The following ZNF385D variants were observed in gnomAD, a reference collection of about 807,000 sequenced individuals.
ZNF385D encodes zinc finger protein 385D.
In ZNF385D, 15 loss-of-function variants were observed where a neutral mutation model predicts 35.8. The observed-to-expected ratio is 0.42, with a 90% CI of 0.28 to 0.64. The LOEUF (loss-of-function observed/expected upper bound fraction) is 0.64, where lower values mean the gene tolerates loss of function less well. ZNF385D is among the 30% of genes least tolerant of loss of function. The pLI, the probability that ZNF385D is intolerant of heterozygous loss-of-function variation, is 0.23. For missense variants in ZNF385D, 474 were observed against 494.6 expected (o/e 0.96, Z 0.39); for synonymous variants, 212 against 186.8 (o/e 1.13, Z -1.10).
chr3:21,584,966 T>C (rs2063769100), intron 2 of ZNF385D, among the ~76,000 whole-genome samples: 1 of 152,222 alleles, frequency 6.6e-6, no homozygotes, highest in Admixed American at 6.5e-5. Flanking sequence ...TTCCTTTTTG[T>C]ATCTCTTTAA....
chr3:22,298,527 T>C (rs1024054569), intron 2 of ZNF385D, among the ~76,000 whole-genome samples: 7 of 143,716 alleles, frequency 4.9e-5, no homozygotes, highest in African/African-American at 1.5e-4. Flanking sequence ...ATATATAATA[T>C]ATATACATAA....
intron 4 of ZNF385D, among the ~76,000 whole-genome samples, chr3:21,503,881 C>A (rs1187142525): frequency 1.3e-5 from 2 of 152,096 alleles, no homozygotes; most frequent in Admixed American, 6.6e-5. Context: ...CATTCATAGA[C>A]CTTCTTAGCA....
At chr3:22,042,529 T>G (rs1413105374) in intron 3 of ZNF385D, among the ~76,000 whole-genome samples, 1 of 152,124 alleles carries the variant, frequency 6.6e-6, no homozygotes, top group Non-Finnish European at 1.5e-5. Context: ...GGTATTCACA[T>G]AATTCTTTTA....
intron 4 of ZNF385D, among the ~76,000 whole-genome samples, chr3:21,458,762 C>T (rs1172516700): frequency 7.9e-6 from 1 of 126,776 alleles, no homozygotes; most frequent in East Asian, 2.6e-4. Context: ...TGGAGAGACA[C>T]AAAGTAGATT....
intron 3 of ZNF385D, among the ~76,000 whole-genome samples, chr3:21,559,839 C>A (rs1289578390): frequency 6.6e-6 from 1 of 152,180 alleles, no homozygotes; most frequent in South Asian, 2.1e-4. Flanking sequence ...TCGCATATTT[C>A]TTGGAGGCTT....
chr3:22,091,013 A>G (rs1325220581), intron 3 of ZNF385D, among the ~76,000 whole-genome samples: 5 of 152,238 alleles, frequency 3.3e-5, no homozygotes, highest in African/African-American at 9.6e-5. Flanking sequence ...ATATACCAAT[A>G]GAAACATGGT....
At chr3:21,830,207 T>C (rs1694899289) in intron 3 of ZNF385D, among the ~76,000 whole-genome samples, 1 of 152,198 alleles carries the variant, frequency 6.6e-6, no homozygotes, top group Non-Finnish European at 1.5e-5. Context: ...AATTCATCTC[T>C]GTATTCACCA....
intron 4 of ZNF385D, among the ~76,000 whole-genome samples, chr3:21,492,479 G>A (rs1234926862): frequency 5.4e-5 from 8 of 148,232 alleles, no homozygotes; most frequent in Non-Finnish European, 8.9e-5. Flanking sequence ...ACTACTCTTC[G>A]TATTACTAAA....
intron 3 of ZNF385D, among the ~76,000 whole-genome samples, chr3:21,772,457 T>C (rs1296239821): frequency 6.6e-6 from 1 of 151,852 alleles, no homozygotes; most frequent in Admixed American, 6.6e-5. Flanking sequence ...AATATGCAAA[T>C]GGTGAATAAG....
chr3:21,497,339 C>A (rs984016394), intron 4 of ZNF385D, among the ~76,000 whole-genome samples: 1 of 151,994 alleles, frequency 6.6e-6, no homozygotes, highest in Non-Finnish European at 1.5e-5. Flanking sequence ...ATACAGTTAA[C>A]CAGGAGATGA....
chr3:22,292,512 C>G (rs756357659), intron 2 of ZNF385D, among the ~76,000 whole-genome samples: 2 of 152,002 alleles, frequency 1.3e-5, no homozygotes, highest in Non-Finnish European at 2.9e-5. Flanking sequence ...GGCACTATTT[C>G]TAGAACTATG....
rs566379087 is a variant in ZNF385D at position 21,843,999 on chromosome 3, A to G, written c.326-178971T>C. Among the ~76,000 whole-genome samples, 8 of 152,054 alleles carry G rather than the reference A, an allele frequency of 5.3e-5. 1 individual carries two copies. In the South Asian group the frequency reaches 1.7e-3, roughly 32 times the overall value. On this transcript the variant is annotated intron_variant, in intron 3 of 5. Transcript: ENST00000494108. ...ATAAATAAATATAAAATAACATAGCAAGTAATGCGTCACACAAAAAGTAGA... is the reference window on the plus strand; with the variant it reads ...ATAAATAAATATAAAATAACATAGCGAGTAATGCGTCACACAAAAAGTAGA...
intron 1 of ZNF385D, among the ~76,000 whole-genome samples, chr3:21,717,775 C>A (rs181191432): frequency 1.6e-4 from 24 of 152,266 alleles, no homozygotes; most frequent in Admixed American, 1.2e-3. Flanking sequence ...GTAAAACGTG[C>A]CTTTCACCTT....
chr3:21,781,577 G>A (rs1465218094), intron 3 of ZNF385D, among the ~76,000 whole-genome samples: 1 of 152,032 alleles, frequency 6.6e-6, no homozygotes, highest in Admixed American at 6.6e-5. Flanking sequence ...AGCTATTTCA[G>A]ATAAGTGTTT....
chr3:21,990,033 AT>A (rs771054650), intron 3 of ZNF385D, among the ~76,000 whole-genome samples: 8 of 152,222 alleles, frequency 5.3e-5, no homozygotes, highest in Non-Finnish European at 7.3e-5. Context: ...ATGGGAAATA[AT>A]TTTTAAAAGG....
rs1384630230 is a variant in ZNF385D at position 21,646,810 on chromosome 3, T to C, written c.165+18076A>G. On this transcript the variant is annotated intron_variant, in intron 2 of 7. Transcript: ENST00000281523. The surrounding 1 kb of genome is among the most constrained non-coding windows in gnomAD (Gnocchi z 4.3). ...TGGCTTTCATACATTCGGTCACAAA[T>C]AGAAAGCAATGTTAAGTCCTGGGTT... Among the ~76,000 whole-genome samples the C allele has an allele frequency of 6.6e-6, 1 of 152,144 alleles. No individual in the cohort carries two copies. Among genetic ancestry groups the C allele is most frequent in the African/African-American group, 2.4e-5 (1 of 41,442 alleles).
intron 3 of ZNF385D, among the ~76,000 whole-genome samples, chr3:22,091,029 G>T (rs1701305447): frequency 1.3e-5 from 2 of 152,128 alleles, no homozygotes; most frequent in South Asian, 4.1e-4. Context: ...ATGGTGGGGT[G>T]GGACATGTGT....
intron 4 of ZNF385D, among the ~76,000 whole-genome samples, chr3:21,447,368 C>T (rs1211125246): frequency 6.6e-6 from 1 of 152,040 alleles, no homozygotes; most frequent in African/African-American, 2.4e-5. Flanking sequence ...AAAAAAAAGC[C>T]CTCCAAAATC....
chr3:21,631,703 C>A (rs1032108162), intron 2 of ZNF385D, among the ~76,000 whole-genome samples: 4 of 152,056 alleles, frequency 2.6e-5, no homozygotes, highest in African/African-American at 7.2e-5. Flanking sequence ...GCTCCTCAAA[C>A]CTTTTACTTT....
Sources: allele counts gnomAD v4.1 joint callset (sites outside exome capture counted in the v4.1 genomes callset), GRCh38; gene constraint gnomAD v4.1.1; non-coding constraint Gnocchi (gnomAD v3.1); transcripts MANE v1.5; gene names NCBI Gene and HGNC (gene_info 2026-07-23, HGNC 2026-07-21).